The following TBCD variants were observed in gnomAD, a reference collection of about 807,000 sequenced individuals.
TBCD encodes tubulin folding cofactor D, also known as tubulin-specific chaperone D.
A neutral mutation model predicts 169.3 loss-of-function variants in TBCD; 105 were observed. That is an observed-to-expected ratio of 0.62 (90% CI 0.53 to 0.73). The LOEUF (loss-of-function observed/expected upper bound fraction) is 0.73, where lower values mean the gene tolerates loss of function less well. Among genes scored for constraint, TBCD ranks in the 30% least tolerant of loss-of-function variants. TBCD has a pLI of 0.00. For missense variants in TBCD, 1,444 were observed against 1,600.1 expected (o/e 0.90, Z 1.66); for synonymous variants, 700 against 643.9 (o/e 1.09, Z -1.32).
intron 22 of TBCD, among the ~76,000 whole-genome samples, chr17:82,911,479 G>C (rs577234115): frequency 2.0e-5 from 3 of 152,286 alleles, no homozygotes; most frequent in African/African-American, 4.8e-5. Context: ...GCTGAGCGCT[G>C]CTTGGAATTA....
At position 82,903,426 on chromosome 17, in the gene TBCD, G is replaced by A. The variant is rs562788913; in HGVS notation, c.1752G>A (p.Ala584=). ...TCAGGGTCATCCGAGAGTTGGCTGC[G>A]AGGGCGCTGCACAACCTGGCCCAGC... The part of the protein sequence containing the change: ...HWDGVIRELA[A]RALHNLAQQA... Residue 584 remains alanine, a synonymous_variant, in exon 19 of 39, where the codon GCG becomes GCA. Transcript: ENST00000355528. The surrounding 1 kb of genome is among the most constrained non-coding windows in gnomAD (Gnocchi z 4.8). 1.9e-6 allele frequency: 3 copies of A among 1,604,072 alleles called. No individual in the cohort carries two copies. Among genetic ancestry groups the A allele is most frequent in the East Asian group, 4.5e-5 (2 of 44,446 alleles).
At chr17:82,878,511 T>C (rs1466640228) in intron 14 of TBCD, among the ~76,000 whole-genome samples, 1 of 95,558 alleles carries the variant, frequency 1.0e-5, no homozygotes, top group Non-Finnish European at 2.3e-5. Context: ...TCTGATGCTT[T>C]CTCGTGTGTT....
In TBCD at chr17:82,945,215, T is replaced by A. The variant is rs1455017106; in HGVS notation, c.*2752T>A. On this transcript the variant is annotated 3_prime_UTR_variant, in exon 39 of 39. Transcript: ENST00000355528. ...GCTTAGACACAGCTGAAGAGAGAAT[T>A]AGAAAACTGGAAGATCTGAAAACAT... The A allele has an allele frequency of 6.6e-6, 1 of 152,210 alleles. No individual in the cohort carries two copies. Among genetic ancestry groups the A allele is most frequent in the Non-Finnish European group, 1.5e-5 (1 of 68,030 alleles). The allele number at this position is 152,210 out of a possible 1,614,324, so 9.4% of individuals were successfully genotyped here. A position where few individuals can be genotyped will look rare whatever the true frequency, so the allele number is the denominator to read the frequency against.
At chr17:82,769,410 A>G (rs2048189689) in intron 5 of TBCD, among the ~76,000 whole-genome samples, 1 of 152,114 alleles carries the variant, frequency 6.6e-6, no homozygotes, top group Admixed American at 6.5e-5. Context: ...AGTCCAGCCT[A>G]CGCAAGCGAG....
chr17:82,837,305 C>G (rs983601708), intron 13 of TBCD, among the ~76,000 whole-genome samples: 48 of 152,360 alleles, frequency 3.2e-4, no homozygotes, highest in African/African-American at 1.1e-3. Context: ...GAAATAGTCT[C>G]TGTGTGGTCA....
Position 82,831,534 on chromosome 17 carries a change from A to G in TBCD, c.1318+16600A>G, listed in dbSNP as rs150894363. ...GCAGGTTAGAGGGATATTGCTGGAAAAACCTGTAGTGATCGTATGTGGCTG... is the reference window on the plus strand; with the variant it reads ...GCAGGTTAGAGGGATATTGCTGGAAGAACCTGTAGTGATCGTATGTGGCTG... On this transcript the variant is annotated intron_variant, in intron 13 of 38. Coordinates refer to ENST00000355528, the MANE Select transcript of TBCD (RefSeq NM_005993.5). The surrounding 1 kb of genome is among the most constrained non-coding windows in gnomAD (Gnocchi z 4.6). 6.8e-6 allele frequency: 11 copies of G among 1,614,102 alleles called. No homozygotes were observed. Among genetic ancestry groups the G allele is most frequent in the Non-Finnish European group, 9.3e-6 (11 of 1,180,014 alleles).
chr17:82,856,235 A>C (rs930452876), intron 13 of TBCD, among the ~76,000 whole-genome samples: 5 of 151,936 alleles, frequency 3.3e-5, no homozygotes, highest in African/African-American at 1.2e-4. Context: ...ATTTTACTCA[A>C]CATACATCTA....
chr17:82,917,998 C>T (rs1272744717), intron 23 of TBCD, among the ~76,000 whole-genome samples: 3 of 152,168 alleles, frequency 2.0e-5, no homozygotes, highest in Admixed American at 6.5e-5. Flanking sequence ...GGTTGGTCTG[C>T]GTTATCTAGT....
intron 1 of TBCD, among the ~76,000 whole-genome samples, chr17:82,753,039 C>T (rs1295631086): frequency 1.3e-5 from 2 of 152,192 alleles, no homozygotes; most frequent in African/African-American, 4.8e-5. Flanking sequence ...CCCACCTTTA[C>T]CGCTGTCTAT....
chr17:82,911,679 G>T, intron 22 of TBCD, 79 bp from the exon 23 acceptor site: 1 of 1,400,710 alleles, frequency 7.1e-7, no homozygotes, highest in Non-Finnish European at 1.0e-6. Flanking sequence ...GGAGCCTGAG[G>T]TTACATTGGC....
At chr17:82,821,440 G>C (rs2052406293) in intron 13 of TBCD, among the ~76,000 whole-genome samples, 1 of 152,210 alleles carries the variant, frequency 6.6e-6, no homozygotes, top group African/African-American at 2.4e-5. Context: ...TTGCATATGT[G>C]TTTCCCAAAT....
Position 82,938,112 on chromosome 17 carries a change from G to A in TBCD, c.3345G>A (p.Leu1115=). Residue 1115 remains leucine (L), a synonymous_variant, in exon 36 of 39, where the codon CTG becomes CTA. Transcript: ENST00000355528. ...GGCAGGCCCTCCTGCAGCTGTGTCT[G>A]CTCCTCTGCCACCGTTTCCCGCTGG... ...VRRQALLQLC[L]LLCHRFPLIR... is the part of the protein sequence containing the mutation. The A allele has an allele frequency of 6.2e-7, 1 of 1,612,588 alleles. No homozygotes were observed. Among genetic ancestry groups the A allele is most frequent in the South Asian group, 1.1e-5 (1 of 91,032 alleles).
intron 7 of TBCD, 63 bp downstream of exon 7, chr17:82,781,784 G>A (rs1598462516): frequency 3.1e-6 from 5 of 1,590,024 alleles, no homozygotes; most frequent in South Asian, 1.1e-5. Context: ...TGGGGACCAC[G>A]GAATGATGTT....
In TBCD at chr17:82,938,031, A is replaced by G; in HGVS notation, c.3282-18A>G. ...CGCGGGGTGGGGCTCACCTGGAGCCATGTGCTGCTCCCGGCAGGTTCTGCG... is the reference window on the plus strand; with the variant it reads ...CGCGGGGTGGGGCTCACCTGGAGCCGTGTGCTGCTCCCGGCAGGTTCTGCG... On this transcript the variant is annotated intron_variant, in intron 35 of 38. Transcript: ENST00000355528. The G allele has an allele frequency of 1.2e-6, 2 of 1,612,654 alleles. No individual in the cohort carries two copies. Among genetic ancestry groups the G allele is most frequent in the African/African-American group, 1.3e-5 (1 of 75,036 alleles).
At position 82,903,191 on chromosome 17, in the gene TBCD, C is replaced by A. The variant is rs899028112; in HGVS notation, c.1731-214C>A. 6.6e-6 allele frequency among the ~76,000 whole-genome samples: 1 copy of A among 152,116 alleles called. No homozygotes were observed. The highest frequency in any genetic ancestry group is 1.5e-5 in the Non-Finnish European group (1 of 68,028). ...AAGGCAGCTGTGTCCCAAGAAGAAC[C>A]GTGGTTAGCCGTGTGACCTCGCTGT... On this transcript the variant is annotated intron_variant, in intron 18 of 38. Coordinates refer to ENST00000355528, the MANE Select transcript of TBCD (RefSeq NM_005993.5). The surrounding 1 kb of genome is among the most constrained non-coding windows in gnomAD (Gnocchi z 4.8).
chr17:82,829,980 C>T, intron 13 of TBCD: 1 of 1,200,494 alleles, frequency 8.3e-7, no homozygotes, highest in Non-Finnish European at 1.1e-6. Flanking sequence ...TTTATAAAAA[C>T]TGAATTGGAG....
chr17:82,918,772 A>C (rs187930222), intron 23 of TBCD: 6 of 152,346 alleles, frequency 3.9e-5, no homozygotes, highest in Non-Finnish European at 7.3e-5. Flanking sequence ...AAATACATTT[A>C]AAGTTCACAT....
intron 8 of TBCD, 27 bp downstream of exon 8, chr17:82,797,829 T>C: frequency 2.6e-6 from 4 of 1,549,664 alleles, no homozygotes; most frequent in Non-Finnish European, 3.5e-6. Context: ...AGAGACGATA[T>C]CTTTGTGATG....
chr17:82,851,693 C>G (rs1338218991), intron 13 of TBCD, among the ~76,000 whole-genome samples: 2 of 152,222 alleles, frequency 1.3e-5, no homozygotes, highest in Non-Finnish European at 2.9e-5. Context: ...CACACAGAGC[C>G]AAACGCAGCT....
Sources: gnomAD v4.1 joint callset for allele counts (sites outside exome capture counted in the v4.1 genomes callset) on GRCh38, gnomAD v4.1.1 for gene constraint, Gnocchi (gnomAD v3.1) non-coding constraint, MANE v1.5 for transcripts, NCBI Gene and HGNC (gene_info 2026-07-23, HGNC 2026-07-21) for gene names.